The following ADAMTS18 variants were observed in gnomAD, a reference collection of about 807,000 sequenced individuals.
The protein encoded by ADAMTS18 is ADAM metallopeptidase with thrombospondin type 1 motif 18.
A neutral mutation model predicts 165.9 loss-of-function variants in ADAMTS18; 157 were observed. That is an observed-to-expected ratio of 0.95 (90% CI 0.83 to 1.08). The LOEUF is 1.08. Among genes scored for constraint, ADAMTS18 ranks in the 50% least tolerant of loss-of-function variants. The pLI, the probability that ADAMTS18 is intolerant of heterozygous loss-of-function variation, is 0.00. For synonymous variants in ADAMTS18, 782 were observed against 578.2 expected (o/e 1.35, Z -5.06); for missense variants, 2,040 against 1,534.0 (o/e 1.33, Z -5.51).
In ADAMTS18 at chr16:77,353,916, C is replaced by A. The variant is rs769996037; in HGVS notation, c.1461-30G>T. The A allele has an allele frequency of 1.4e-5, 23 of 1,613,758 alleles. No individual in the cohort carries two copies. The East Asian group carries it at 5.1e-4, about 36-fold the overall frequency. ...AATGACAATACATGCTTATTAATTACTCTGTTGATCTGTGATCTTTCCATT... is the reference window on the plus strand; with the variant it reads ...AATGACAATACATGCTTATTAATTAATCTGTTGATCTGTGATCTTTCCATT... On this transcript the variant is annotated intron_variant, in intron 9 of 22. Coordinates refer to ENST00000282849, the MANE Select transcript of ADAMTS18 (RefSeq NM_199355.4).
rs546762394 is a variant in ADAMTS18 at position 77,364,304 on chromosome 16, C to A, written c.856G>T (p.Ala286Ser). 2.3e-5 allele frequency: 37 copies of A among 1,613,842 alleles called. No individual in the cohort carries two copies. Among genetic ancestry groups the A allele is most frequent in the Non-Finnish European group, 3.1e-5 (37 of 1,180,012 alleles). The change falls in exon 5 of 23, where the codon GCT (alanine) becomes TCT (serine). Residue 286 changes from alanine (A) to serine (S), a missense_variant. Transcript: ENST00000282849. ...TTGAGGCCCTTTTGTGATTTTCCAGCTGATCTTCTGGGTCGCCCAGAGCTC... is the reference window on the plus strand; with the variant it reads ...TTGAGGCCCTTTTGTGATTTTCCAGATGATCTTCTGGGTCGCCCAGAGCTC... ...YGSSGRPRRS[A>S]GKSQKGLNVE...
intron 3 of ADAMTS18, among the ~76,000 whole-genome samples, chr16:77,372,255 C>G (rs2056886970): frequency 1.3e-5 from 2 of 152,188 alleles, no homozygotes; most frequent in South Asian, 4.1e-4. Context: ...ATCCAGCAAT[C>G]CCACTACCGG....
chr16:77,429,744 G>A (rs2057716035), intron 3 of ADAMTS18, among the ~76,000 whole-genome samples: 1 of 152,176 alleles, frequency 6.6e-6, no homozygotes, highest in African/African-American at 2.4e-5. Context: ...GTGAAGTCCT[G>A]AGAGTGCTAA....
chr16:77,357,155 C>T (rs1020517909), intron 8 of ADAMTS18, among the ~76,000 whole-genome samples: 3 of 151,762 alleles, frequency 2.0e-5, no homozygotes, highest in African/African-American at 7.3e-5. Flanking sequence ...AAATGTTATC[C>T]TGATATAATT....
chr16:77,382,276 T>C (rs1187440926), intron 3 of ADAMTS18, among the ~76,000 whole-genome samples: 1 of 152,222 alleles, frequency 6.6e-6, no homozygotes, highest in East Asian at 1.9e-4. Context: ...AGTGGCGCGA[T>C]CTCGGCTCAC....
Position 77,376,534 on chromosome 16 carries a change from AGG to A in ADAMTS18, c.496-8813_496-8812del, listed in dbSNP as rs879704948. 8.5e-5 allele frequency among the ~76,000 whole-genome samples: 13 copies of A among 152,276 alleles called. No homozygotes were observed. In the East Asian group the frequency reaches 2.3e-3, roughly 27 times the overall value. On this transcript the variant is annotated intron_variant, in intron 3 of 22. Transcript: ENST00000282849. Reference sequence around the variant, plus strand: ...CCCTCAAGAGACAAGAGTCAAGCCGAGGGAAAGGACTGGGTTGCGCCCGCTAC... The same window carrying A: ...CCCTCAAGAGACAAGAGTCAAGCCGAGAAAGGACTGGGTTGCGCCCGCTAC...
intron 3 of ADAMTS18, among the ~76,000 whole-genome samples, chr16:77,386,140 T>C (rs1441018087): frequency 6.6e-6 from 1 of 152,158 alleles, no homozygotes; most frequent in Non-Finnish European, 1.5e-5. Flanking sequence ...CAAAGTACAA[T>C]TTCTGCGCAA....
At chr16:77,368,400 C>G (rs1430032848) in intron 3 of ADAMTS18, among the ~76,000 whole-genome samples, 1 of 151,314 alleles carries the variant, frequency 6.6e-6, no homozygotes. Context: ...TACCCCCACT[C>G]ATTCTCAAGT....
At chr16:77,334,119 T>TGC (rs2056241609) in intron 12 of ADAMTS18, among the ~76,000 whole-genome samples, 3 of 109,402 alleles carry the variant, frequency 2.7e-5, no homozygotes, top group East Asian at 2.7e-4. Flanking sequence ...GTGTTATATA[T>TGC]TATATATAAT....
chr16:77,306,006 C>G (rs12928250), intron 16 of ADAMTS18, among the ~76,000 whole-genome samples: 1 of 152,006 alleles, frequency 6.6e-6, no homozygotes, highest in South Asian at 2.1e-4. Flanking sequence ...ACAGGAGCAC[C>G]GCATCCCTCC....
intron 21 of ADAMTS18, chr16:77,290,672 G>C (rs998168896): frequency 1.8e-5 from 3 of 164,510 alleles, no homozygotes; most frequent in African/African-American, 4.8e-5. Flanking sequence ...ATGCTGGAAG[G>C]ACCGCGTCAC....
At chr16:77,321,795 C>T (rs1162449482) in intron 14 of ADAMTS18, among the ~76,000 whole-genome samples, 2 of 152,074 alleles carry the variant, frequency 1.3e-5, no homozygotes, top group Non-Finnish European at 2.9e-5. Context: ...TATATATGTG[C>T]AAGTAGAGTA....
intron 6 of ADAMTS18, 102 bp downstream of exon 6, chr16:77,363,700 C>G (rs2056749393): frequency 9.7e-7 from 1 of 1,034,670 alleles, no homozygotes; most frequent in East Asian, 2.5e-5. Context: ...CAAATTTGAG[C>G]AGCTAACGAC....
At chr16:77,429,600 T>A (rs1052273442) in intron 3 of ADAMTS18, among the ~76,000 whole-genome samples, 5 of 152,040 alleles carry the variant, frequency 3.3e-5, no homozygotes, top group East Asian at 1.9e-4. Flanking sequence ...TAAAAAAAAA[T>A]GGATAAAAAC....
At chr16:77,366,413 C>T (rs1311092171) in intron 4 of ADAMTS18, among the ~76,000 whole-genome samples, 1 of 152,118 alleles carries the variant, frequency 6.6e-6, no homozygotes, top group East Asian at 1.9e-4. Context: ...CAAAAATTAG[C>T]TTGGCGTGCT....
chr16:77,378,893 G>C (rs2056991894), intron 3 of ADAMTS18: 2 of 152,092 alleles, frequency 1.3e-5, no homozygotes, highest in Admixed American at 1.3e-4. Flanking sequence ...TTCCCCTTCA[G>C]TTGGACTTGA....
chr16:77,367,836 A>C, intron 3 of ADAMTS18, 113 bp from the exon 4 acceptor site: 1 of 1,183,758 alleles, frequency 8.4e-7, no homozygotes, highest in Non-Finnish European at 1.3e-6. Flanking sequence ...AGGAGCTAAA[A>C]GCTTCACACA....
At position 77,362,384 on chromosome 16, in the gene ADAMTS18, T is replaced by A. The variant is rs772327244; in HGVS notation, c.1057-120A>T. ...TCTAGGGAAAAAGATCAGTAAACAC[T>A]TGAGCTAAGGTAGGAGACAGGAAAA... On this transcript the variant is annotated intron_variant, in intron 6 of 22. Transcript: ENST00000282849. 9 of 1,116,510 alleles carry A rather than the reference T, an allele frequency of 8.1e-6. No individual in the cohort carries two copies. In the East Asian group the frequency reaches 2.2e-4, roughly 27 times the overall value. The allele number at this position is 1,116,510 out of a possible 1,614,324, so 69.2% of individuals were successfully genotyped here.
intron 3 of ADAMTS18, among the ~76,000 whole-genome samples, chr16:77,423,881 G>C (rs987688025): frequency 6.6e-6 from 1 of 152,144 alleles, no homozygotes; most frequent in African/African-American, 2.4e-5. Flanking sequence ...CTTAAGGCAA[G>C]ACAGGGATGG....
Sources: gnomAD v4.1 joint callset for allele counts (sites outside exome capture counted in the v4.1 genomes callset) on GRCh38, gnomAD v4.1.1 for gene constraint, MANE v1.5 for transcripts, NCBI Gene and HGNC (gene_info 2026-07-23, HGNC 2026-07-21) for gene names.